The following ZBTB7C variants were observed in gnomAD, a reference collection of about 807,000 sequenced individuals.
The protein encoded by ZBTB7C is zinc finger and BTB domain-containing protein 7C.
A neutral mutation model predicts 25.7 loss-of-function variants in ZBTB7C; 8 were observed. The observed-to-expected ratio is 0.31, with a 90% CI of 0.18 to 0.56. The LOEUF (loss-of-function observed/expected upper bound fraction) is 0.56. Among genes scored for constraint, ZBTB7C ranks in the 20% least tolerant of loss-of-function variants. ZBTB7C has a pLI of 0.91. For missense variants in ZBTB7C, 824 were observed against 855.2 expected (o/e 0.96, Z 0.46); for synonymous variants, 394 against 369.0 (o/e 1.07, Z -0.78).
intron 2 of ZBTB7C, among the ~76,000 whole-genome samples, chr18:48,247,752 C>T (rs2043736544): frequency 6.6e-6 from 1 of 152,152 alleles, no homozygotes; most frequent in Non-Finnish European, 1.5e-5. Flanking sequence ...GGTAGTTTCC[C>T]CCATGTTGTT....
chr18:48,348,742 G>T, intron 1 of ZBTB7C, among the ~76,000 whole-genome samples: 1 of 152,234 alleles, frequency 6.6e-6, no homozygotes, highest in East Asian at 1.9e-4. Flanking sequence ...GCTTCAACCT[G>T]GGAGGCAGAG....
chr18:48,083,659 T>C (rs1679117695), intron 3 of ZBTB7C, among the ~76,000 whole-genome samples: 1 of 152,198 alleles, frequency 6.6e-6, no homozygotes, highest in Admixed American at 6.5e-5. Context: ...AATGCTTCTC[T>C]GTAACGGAAT....
At chr18:48,061,512 C>T (rs952298157) in intron 3 of ZBTB7C, among the ~76,000 whole-genome samples, 6 of 152,194 alleles carry the variant, frequency 3.9e-5, no homozygotes, top group Admixed American at 3.9e-4. Context: ...GGCCTTCAGG[C>T]CCACAAGCAC....
chr18:48,148,831 T>C (rs1456267401), intron 3 of ZBTB7C: 2 of 152,210 alleles, frequency 1.3e-5, no homozygotes, highest in Non-Finnish European at 2.9e-5. Flanking sequence ...CCAAAGGTAA[T>C]GAGACCCGCC....
intron 2 of ZBTB7C, among the ~76,000 whole-genome samples, chr18:48,305,250 G>C (rs2144762804): frequency 6.6e-6 from 1 of 152,276 alleles, no homozygotes; most frequent in Admixed American, 6.5e-5. Flanking sequence ...CGTGGCTGTT[G>C]CTGGGTGACC....
At chr18:48,278,445 T>C (rs1308361970) in intron 2 of ZBTB7C, among the ~76,000 whole-genome samples, 6 of 147,072 alleles carry the variant, frequency 4.1e-5, no homozygotes, top group Non-Finnish European at 9.0e-5. Flanking sequence ...TTTTTTTTCT[T>C]TTTTTTTTTT....
chr18:48,078,256 C>T (rs766968184), intron 3 of ZBTB7C, among the ~76,000 whole-genome samples: 7 of 152,222 alleles, frequency 4.6e-5, no homozygotes, highest in Non-Finnish European at 7.3e-5. Context: ...AGGATCCTAC[C>T]GGGAGAGAGC....
intron 2 of ZBTB7C, among the ~76,000 whole-genome samples, chr18:48,199,905 A>G (rs2042398702): frequency 6.6e-6 from 1 of 152,222 alleles, no homozygotes; most frequent in Non-Finnish European, 1.5e-5. Flanking sequence ...GCTATACTCA[A>G]AATGAAAGAA....
At chr18:48,371,350 T>C (rs2047384137) in intron 1 of ZBTB7C, among the ~76,000 whole-genome samples, 1 of 152,174 alleles carries the variant, frequency 6.6e-6, no homozygotes, top group South Asian at 2.1e-4. Context: ...GAACTGGAAA[T>C]GTCAGGGCTG....
chr18:48,210,849 C>A (rs1235658410), intron 2 of ZBTB7C, among the ~76,000 whole-genome samples: 1 of 151,852 alleles, frequency 6.6e-6, no homozygotes, highest in Non-Finnish European at 1.5e-5. Flanking sequence ...TTTAAAAATT[C>A]CATAAAGTTT....
At chr18:48,151,348 C>T (rs755043790) in intron 3 of ZBTB7C, among the ~76,000 whole-genome samples, 4 of 152,082 alleles carry the variant, frequency 2.6e-5, no homozygotes, top group Non-Finnish European at 5.9e-5. Flanking sequence ...AGACATACTG[C>T]CCTCATATTT....
chr18:48,076,749 G>A (rs1047949109), intron 3 of ZBTB7C, among the ~76,000 whole-genome samples: 4 of 152,276 alleles, frequency 2.6e-5, no homozygotes, highest in African/African-American at 7.2e-5. Context: ...CAGCTATTAT[G>A]AGGGCTCCAC....
intron 3 of ZBTB7C, among the ~76,000 whole-genome samples, chr18:48,113,730 C>T (rs768124532): frequency 5.3e-5 from 8 of 152,240 alleles, no homozygotes; most frequent in Non-Finnish European, 7.3e-5. Context: ...AGGAGCTTTC[C>T]GGCTGATGGC....
At chr18:48,202,030 C>T (rs953602206) in intron 2 of ZBTB7C, among the ~76,000 whole-genome samples, 3 of 152,214 alleles carry the variant, frequency 2.0e-5, no homozygotes, top group South Asian at 4.1e-4. Context: ...GCTGAAGGTT[C>T]CCACCTAGCT....
intron 2 of ZBTB7C, among the ~76,000 whole-genome samples, chr18:48,249,896 A>C (rs183921046): frequency 1.4e-3 from 213 of 152,340 alleles, no homozygotes; most frequent in African/African-American, 5.1e-3. Context: ...AATAAGATGG[A>C]ACACTAAGGC....
rs10651143 is a variant in ZBTB7C at position 48,097,382 on chromosome 18, G to GTTGTTGTTATTATTA, written c.-16-56260_-16-56259insTAATAATAACAACAA. ...AAAGACAACTTTTATTATTGTTGTT[G>GTTGTTGTTATTATTA]TTATTATTATTATTATTATTATTAT... On this transcript the variant is annotated intron_variant, in intron 3 of 4. Transcript: ENST00000590800. Among the ~76,000 whole-genome samples, 610 of 144,962 alleles carry GTTGTTGTTATTATTA rather than the reference G, an allele frequency of 4.2e-3. 2 individuals carry two copies. The highest frequency in any genetic ancestry group is 0.017 in the East Asian group (83 of 4,910).
chr18:48,238,716 G>A (rs1274697295), intron 2 of ZBTB7C, among the ~76,000 whole-genome samples: 1 of 152,244 alleles, frequency 6.6e-6, no homozygotes, highest in Non-Finnish European at 1.5e-5. Context: ...ATCACAGAGA[G>A]AAGGAAACTT....
intron 2 of ZBTB7C, among the ~76,000 whole-genome samples, chr18:48,270,792 G>A (rs182438657): frequency 1.3e-4 from 20 of 151,764 alleles, no homozygotes; most frequent in African/African-American, 4.8e-4. Context: ...CGCCCACCTT[G>A]GCCTCCCAAA....
chr18:48,033,284 G>A (rs536845217), intron 4 of ZBTB7C, among the ~76,000 whole-genome samples: 87 of 152,266 alleles, frequency 5.7e-4, no homozygotes, highest in Middle Eastern at 6.8e-3. Context: ...TACAGCTGGT[G>A]GGGGCAAAGG....
Sources: gnomAD v4.1 joint callset for allele counts (sites outside exome capture counted in the v4.1 genomes callset) on GRCh38, gnomAD v4.1.1 for gene constraint, MANE v1.5 for transcripts, NCBI Gene and HGNC (gene_info 2026-07-23, HGNC 2026-07-21) for gene names.